SLC24A3: variants seen among roughly 807,000 people sequenced by gnomAD.
The protein encoded by SLC24A3 is sodium/potassium/calcium exchanger 3.
Under a neutral mutation model 75.8 loss-of-function variants are expected in SLC24A3, and 28 were observed. The observed-to-expected ratio is 0.37, with a 90% confidence interval of 0.27 to 0.51. The LOEUF (loss-of-function observed/expected upper bound fraction) is 0.51, where lower values mean the gene tolerates loss of function less well. Ranked by LOEUF, SLC24A3 falls within the 20% of genes least tolerant of loss-of-function variation. SLC24A3 has a pLI of 0.94. For synonymous variants in SLC24A3, 372 were observed against 334.1 expected, an observed-to-expected ratio of 1.11 and a Z score of -1.24; for missense variants, 663 against 847.8, an observed-to-expected ratio of 0.78 and a Z score of 2.71.
At chr20:19,590,153 G>C (rs2031353807) in intron 6 of SLC24A3, among the ~76,000 whole-genome samples, 4 of 148,512 alleles carry the variant, frequency 2.7e-5, no homozygotes, top group Admixed American at 1.3e-4. Context: ...GAAAGTAATG[G>C]CAAAAACCGC....
chr20:19,612,049 C>T (rs367954915), intron 6 of SLC24A3, among the ~76,000 whole-genome samples: 24 of 152,186 alleles, frequency 1.6e-4, no homozygotes, highest in African/African-American at 3.4e-4. Context: ...TTCAGGCTTG[C>T]GGCTTTCCAT....
intron 2 of SLC24A3, among the ~76,000 whole-genome samples, chr20:19,484,875 A>C (rs932862843): frequency 6.6e-6 from 1 of 152,222 alleles, no homozygotes; most frequent in Non-Finnish European, 1.5e-5. Context: ...AAAAATTAAA[A>C]CTAACTTTAA....
rs113917433 is a variant in SLC24A3 at position 19,396,829 on chromosome 20, A to T, written c.271+115742A>T. ...ATCACGGTAATTAGTGCCAGAAAAA[A>T]AAATGTGTCAAAGCATGCATGCAGA... On this transcript the variant is annotated intron_variant, in intron 2 of 16. Transcript: ENST00000328041. Among the ~76,000 whole-genome samples, 768 of 152,340 alleles carry T rather than the reference A, an allele frequency of 5.0e-3. 7 individuals carry two copies. The highest frequency in any genetic ancestry group is 0.018 in the African/African-American group (730 of 41,574).
chr20:19,699,709 C>T (rs1217588364), intron 15 of SLC24A3, among the ~76,000 whole-genome samples: 1 of 152,134 alleles, frequency 6.6e-6, no homozygotes, highest in Non-Finnish European at 1.5e-5. Flanking sequence ...AGAAGCCCAG[C>T]GTGGTCAGCT....
chr20:19,249,037 A>G (rs1487044789), intron 1 of SLC24A3, among the ~76,000 whole-genome samples: 1 of 151,880 alleles, frequency 6.6e-6, no homozygotes, highest in Non-Finnish European at 1.5e-5. Context: ...TCAGTTGGAC[A>G]GGAGGATAAA....
chr20:19,415,931 G>A (rs1284657629), intron 2 of SLC24A3, among the ~76,000 whole-genome samples: 1 of 152,190 alleles, frequency 6.6e-6, no homozygotes, highest in Non-Finnish European at 1.5e-5. Context: ...TGTGCAAGGT[G>A]GTAGGCATAT....
At chr20:19,578,401 G>A (rs1172740931) in intron 3 of SLC24A3, among the ~76,000 whole-genome samples, 2 of 151,958 alleles carry the variant, frequency 1.3e-5, no homozygotes, top group African/African-American at 4.8e-5. Context: ...CACTGTGGGA[G>A]CAGCATTCTT....
rs140001589 is a variant in SLC24A3 at position 19,615,464 on chromosome 20, C to T, written c.612+29920C>T. Among the ~76,000 whole-genome samples, 16 of 152,246 alleles carry T rather than the reference C, an allele frequency of 1.1e-4. No individual in the cohort carries two copies. The East Asian group carries it at 2.9e-3, about 28-fold the overall frequency. On this transcript the variant is annotated intron_variant, in intron 6 of 16. Coordinates refer to ENST00000328041, the MANE Select transcript of SLC24A3 (RefSeq NM_020689.4). ...TTCTGGAGAGGCCTCAGGAAGCTTA[C>T]AATGGTGACGGAAGGTGAAGGGAAA...
chr20:19,468,957 G>T (rs963659865), intron 2 of SLC24A3, among the ~76,000 whole-genome samples: 1 of 152,188 alleles, frequency 6.6e-6, no homozygotes, highest in Non-Finnish European at 1.5e-5. Context: ...AGCCCTGAGG[G>T]TTCTAGAGTG....
chr20:19,235,289 C>G (rs35440604), intron 1 of SLC24A3, among the ~76,000 whole-genome samples: 1 of 152,210 alleles, frequency 6.6e-6, no homozygotes, highest in African/African-American at 2.4e-5. Flanking sequence ...ATGCCCCTAC[C>G]TAGTGCAGAA....
chr20:19,673,794 T>C (rs947406290), intron 9 of SLC24A3, 140 bp downstream of exon 9: 4 of 681,040 alleles, frequency 5.9e-6, no homozygotes, highest in Non-Finnish European at 1.0e-5. Flanking sequence ...CCTGCCAGAC[T>C]GTTGTGAGTC....
At chr20:19,342,452 A>G (rs1391130320) in intron 2 of SLC24A3, among the ~76,000 whole-genome samples, 1 of 152,254 alleles carries the variant, frequency 6.6e-6, no homozygotes, top group Admixed American at 6.5e-5. Flanking sequence ...ATCTTTGGAC[A>G]GATCAGATGT....
At chr20:19,319,903 C>A (rs563177755) in intron 2 of SLC24A3, among the ~76,000 whole-genome samples, 1 of 152,316 alleles carries the variant, frequency 6.6e-6, no homozygotes, top group South Asian at 2.1e-4. Flanking sequence ...GGAATCAGTG[C>A]ACTGGGTTTG....
intron 8 of SLC24A3, among the ~76,000 whole-genome samples, chr20:19,668,781 C>T (rs903330789): frequency 2.0e-5 from 3 of 152,210 alleles, no homozygotes; most frequent in Non-Finnish European, 4.4e-5. Flanking sequence ...GTATTGAATA[C>T]ATACTGGTGT....
chr20:19,345,410 T>C (rs745955207), intron 2 of SLC24A3, among the ~76,000 whole-genome samples: 3 of 152,178 alleles, frequency 2.0e-5, no homozygotes, highest in Non-Finnish European at 4.4e-5. Flanking sequence ...ATTTCTAAAG[T>C]TTATATTGAA....
At chr20:19,348,051 G>A (rs902917277) in intron 2 of SLC24A3, among the ~76,000 whole-genome samples, 4 of 152,206 alleles carry the variant, frequency 2.6e-5, no homozygotes, top group Non-Finnish European at 5.9e-5. Flanking sequence ...CTAGTGATCT[G>A]TGGCTGGGCT....
At chr20:19,678,541 G>A (rs1600335716) in intron 9 of SLC24A3, among the ~76,000 whole-genome samples, 2 of 145,732 alleles carry the variant, frequency 1.4e-5, no homozygotes, top group Non-Finnish European at 3.1e-5. Flanking sequence ...TCCCGGACGG[G>A]GCGGCTGGCC....
intron 1 of SLC24A3, among the ~76,000 whole-genome samples, chr20:19,214,601 G>A (rs1373221872): frequency 1.3e-5 from 2 of 152,048 alleles, no homozygotes; most frequent in Non-Finnish European, 2.9e-5. Context: ...TTTTCTGGGT[G>A]AAGGATGTGA....
At chr20:19,304,794 A>G (rs1475615108) in intron 2 of SLC24A3, among the ~76,000 whole-genome samples, 1 of 152,242 alleles carries the variant, frequency 6.6e-6, no homozygotes, top group Non-Finnish European at 1.5e-5. Context: ...AGAAAAGATG[A>G]AATTGTACAA....
Sources: allele counts gnomAD v4.1 joint callset (sites outside exome capture counted in the v4.1 genomes callset), GRCh38; gene constraint gnomAD v4.1.1; transcripts MANE v1.5; gene names NCBI Gene and HGNC (gene_info 2026-07-23, HGNC 2026-07-21).